WWTR1: variants seen among roughly 807,000 people sequenced by gnomAD.
WWTR1 encodes the protein WW domain-containing transcription regulator protein 1.
WWTR1 carries 13 observed loss-of-function variants against 40.1 expected under a neutral mutation model. That is an observed-to-expected ratio of 0.32 (90% CI 0.21 to 0.52). The LOEUF (loss-of-function observed/expected upper bound fraction) is 0.52. WWTR1 is among the 20% of genes least tolerant of loss of function. WWTR1 has a pLI of 0.97. For synonymous variants in WWTR1, 230 were observed against 210.1 expected, an observed-to-expected ratio of 1.09 and a Z score of -0.82; for missense variants, 436 against 523.1, an observed-to-expected ratio of 0.83 and a Z score of 1.63.
At chr3:149,606,019 G>C (rs922026217) in intron 2 of WWTR1, among the ~76,000 whole-genome samples, 2 of 152,178 alleles carry the variant, frequency 1.3e-5, no homozygotes, top group Non-Finnish European at 2.9e-5. Context: ...CATGGAATGG[G>C]ATTAAGGCCC....
chr3:149,578,565 T>C (rs1009236028), intron 2 of WWTR1, among the ~76,000 whole-genome samples: 2 of 152,140 alleles, frequency 1.3e-5, no homozygotes, highest in Non-Finnish European at 2.9e-5. Flanking sequence ...TCAAAAACAT[T>C]GTGCAAACAT....
chr3:149,588,290 A>G (rs983052817), intron 2 of WWTR1, among the ~76,000 whole-genome samples: 1 of 152,234 alleles, frequency 6.6e-6, no homozygotes, highest in African/African-American at 2.4e-5. Flanking sequence ...ACTCAGTAAG[A>G]ACAACTAAGC....
At chr3:149,522,377 T>C (rs934740939) in intron 6 of WWTR1, among the ~76,000 whole-genome samples, 1 of 152,184 alleles carries the variant, frequency 6.6e-6, no homozygotes, top group Admixed American at 6.5e-5. Flanking sequence ...CAAAACACAA[T>C]GGCTTTTCTA....
chr3:149,554,187 A>C (rs1350767061), intron 3 of WWTR1, among the ~76,000 whole-genome samples: 1 of 152,202 alleles, frequency 6.6e-6, no homozygotes, highest in African/African-American at 2.4e-5. Context: ...GAATAACTGC[A>C]AGGAAATTTC....
chr3:149,521,349 C>T (rs1310513708), intron 6 of WWTR1, among the ~76,000 whole-genome samples: 1 of 152,148 alleles, frequency 6.6e-6, no homozygotes, highest in Non-Finnish European at 1.5e-5. Context: ...TCATTGTAAG[C>T]TTAGGTTTAC....
At position 149,608,479 on chromosome 3, in the gene WWTR1, G is replaced by A. The variant is rs185911753; in HGVS notation, c.432-35479C>T. 1.0e-3 allele frequency among the ~76,000 whole-genome samples: 152 copies of A among 151,824 alleles called. 1 individual carries two copies. In the East Asian group the frequency reaches 0.024, roughly 24 times the overall value. On this transcript the variant is annotated intron_variant, in intron 2 of 6. Coordinates refer to ENST00000360632, the MANE Select transcript of WWTR1 (RefSeq NM_015472.6). Reference sequence around the variant, plus strand: ...TGGCTCACTGCAACCTCCATCTCCTGGGTTCAAGCCATTTTCCTGCCTCAG... The same window carrying A: ...TGGCTCACTGCAACCTCCATCTCCTAGGTTCAAGCCATTTTCCTGCCTCAG...
intron 5 of WWTR1, chr3:149,717,402 C>A (rs1411233739): frequency 2.0e-5 from 3 of 152,158 alleles, no homozygotes; most frequent in African/African-American, 7.2e-5. Context: ...TTTGATTGTG[C>A]AGATTGATAA....
At chr3:149,528,023 G>T in intron 4 of WWTR1, 54 bp from the exon 5 acceptor site, 1 of 1,579,644 alleles carries the variant, frequency 6.3e-7, no homozygotes, top group Admixed American at 1.8e-5. Flanking sequence ...AAGGCATGGA[G>T]CAAAGTGTAC....
intron 2 of WWTR1, among the ~76,000 whole-genome samples, chr3:149,578,539 T>C (rs1044711354): frequency 1.3e-5 from 2 of 152,200 alleles, no homozygotes; most frequent in African/African-American, 4.8e-5. Context: ...GGTGATGTAC[T>C]GGTTAGGTGT....
intron 3 of WWTR1, among the ~76,000 whole-genome samples, chr3:149,562,274 G>A (rs904454952): frequency 2.7e-5 from 4 of 148,238 alleles, no homozygotes; most frequent in Non-Finnish European, 4.4e-5. Flanking sequence ...CAGCCTGGGC[G>A]ACAGAACGAG....
chr3:149,614,875 C>G lies in WWTR1; in HGVS notation c.432-41875G>C, dbSNP rs190022749. Among the ~76,000 whole-genome samples the G allele has an allele frequency of 2.6e-5, 4 of 151,824 alleles. No individual in the cohort carries two copies. The South Asian group carries it at 8.3e-4, about 32-fold the overall frequency. ...GCATGCACCTGTAGTCCCAGCTACT[C>G]GGGAGGCTGAGGCAGGAGAATCACT... On this transcript the variant is annotated intron_variant, in intron 2 of 6. Coordinates refer to ENST00000360632, the MANE Select transcript of WWTR1 (RefSeq NM_015472.6).
chr3:149,636,940 G>A (rs573223775), intron 2 of WWTR1, among the ~76,000 whole-genome samples: 166 of 139,778 alleles, frequency 1.2e-3, no homozygotes, highest in Non-Finnish European at 2.2e-3. Context: ...CTCCAGCCTG[G>A]GCGACAGAGC....
chr3:149,642,754 G>C (rs144515043), intron 2 of WWTR1, among the ~76,000 whole-genome samples: 1 of 148,054 alleles, frequency 6.8e-6, no homozygotes, highest in Non-Finnish European at 1.5e-5. Flanking sequence ...CAGCCTGGGC[G>C]ACAGAGTGAG....
intron 2 of WWTR1, among the ~76,000 whole-genome samples, chr3:149,597,445 A>AAAAGAAG (rs1739048751): frequency 7.4e-6 from 1 of 135,868 alleles, no homozygotes; most frequent in African/African-American, 3.4e-5. Context: ...AAAAAAAAAA[A>AAAAGAAG]AAGAAGAAGA....
At chr3:149,648,049 G>A (rs1396173296) in intron 2 of WWTR1, among the ~76,000 whole-genome samples, 2 of 152,050 alleles carry the variant, frequency 1.3e-5, no homozygotes, top group African/African-American at 2.4e-5. Flanking sequence ...TGTTTTTCCT[G>A]GAAGGCTTGT....
intron 2 of WWTR1, among the ~76,000 whole-genome samples, chr3:149,583,633 A>T (rs1036015203): frequency 6.6e-6 from 1 of 152,242 alleles, no homozygotes; most frequent in Non-Finnish European, 1.5e-5. Flanking sequence ...AGTTTCTTCC[A>T]GGGTTAGAAT....
rs540123711 is a variant in WWTR1 at position 149,548,894 on chromosome 3, C to T, written c.569-6357G>A. 2.1e-3 allele frequency among the ~76,000 whole-genome samples: 327 copies of T among 152,248 alleles called. 1 individual carries two copies. Among genetic ancestry groups the T allele is most frequent in the African/African-American group, 7.5e-3 (310 of 41,546 alleles). ...TTCCATTTAAGTGAATGGGTAAGGC[C>T]TCCCCAAGCCCTCCATGACTTTTTC... On this transcript the variant is annotated intron_variant, in intron 3 of 6. Transcript: ENST00000360632.
upstream of WWTR1, among the ~76,000 whole-genome samples, chr3:149,706,444 G>A (rs190334587): frequency 2.6e-5 from 4 of 151,896 alleles, no homozygotes; most frequent in East Asian, 5.8e-4. Context: ...TCAGCCTCCC[G>A]AGTAGCTGGG....
chr3:149,573,032 T>A (rs1251519402), intron 2 of WWTR1, 32 bp from the exon 3 acceptor site: 1 of 1,566,140 alleles, frequency 6.4e-7, no homozygotes, highest in Non-Finnish European at 8.6e-7. Flanking sequence ...ATTATCTTTT[T>A]AATTGTCAGC....
Sources: gnomAD v4.1 joint callset for allele counts (sites outside exome capture counted in the v4.1 genomes callset) on GRCh38, gnomAD v4.1.1 for gene constraint, MANE v1.5 for transcripts, NCBI Gene and HGNC (gene_info 2026-07-23, HGNC 2026-07-21) for gene names.